TAB2: variants seen among roughly 807,000 people sequenced by gnomAD.
TAB2 encodes the protein TGF-beta-activated kinase 1 and MAP3K7-binding protein 2.
A neutral mutation model predicts 65.0 loss-of-function variants in TAB2; 3 were observed. The ratio of observed to expected loss-of-function variants is 0.05; its 90% CI spans 0.02 to 0.12. The LOEUF (loss-of-function observed/expected upper bound fraction) is 0.12, where lower values mean the gene tolerates loss of function less well. TAB2 is among the 10% of genes least tolerant of loss of function. TAB2 has a pLI of 1.00. For synonymous variants in TAB2, 298 were observed against 285.1 expected (o/e 1.05, Z -0.46); for missense variants, 623 against 840.3 (o/e 0.74, Z 3.20).
chr6:149,230,723 G>A (rs932813792), intron 1 of TAB2, among the ~76,000 whole-genome samples: 4 of 152,210 alleles, frequency 2.6e-5, no homozygotes, highest in African/African-American at 4.8e-5. Flanking sequence ...GATGGCTTCA[G>A]TGGAAGCCTC....
chr6:149,262,152 A>G (rs187392794), intron 1 of TAB2, among the ~76,000 whole-genome samples: 2 of 152,368 alleles, frequency 1.3e-5, no homozygotes, highest in African/African-American at 2.4e-5. Flanking sequence ...GTGTAAAGCA[A>G]AGAAGATGAT....
At chr6:149,310,102 A>T (rs1392288596) in intron 1 of TAB2, among the ~76,000 whole-genome samples, 1 of 148,994 alleles carries the variant, frequency 6.7e-6, no homozygotes, top group East Asian at 2.0e-4. Flanking sequence ...GAGGCGGGAG[A>T]TGGGCCGACT....
At chr6:149,387,827 A>G (rs578237817) in intron 3 of TAB2, among the ~76,000 whole-genome samples, 2 of 152,126 alleles carry the variant, frequency 1.3e-5, no homozygotes, top group African/African-American at 4.8e-5. Context: ...TATCTCTTTG[A>G]GAGAATTCCA....
At chr6:149,295,512 AT>A (rs1353606484) in intron 1 of TAB2, among the ~76,000 whole-genome samples, 2 of 152,086 alleles carry the variant, frequency 1.3e-5, no homozygotes, top group African/African-American at 4.8e-5. Flanking sequence ...AGTTAAACCT[AT>A]GTTAGATCTT....
chr6:149,259,334 TACACACAC>T (rs61261942), intron 1 of TAB2, among the ~76,000 whole-genome samples: 25,378 of 145,932 alleles, frequency 0.17, 2,191 homozygotes, highest in East Asian at 0.27. Flanking sequence ...ACGCTCCCTC[TACACACAC>T]ACACACACAC....
chr6:149,342,233 T>C (rs1347468019), intron 1 of TAB2, among the ~76,000 whole-genome samples: 1 of 152,102 alleles, frequency 6.6e-6, no homozygotes, highest in Non-Finnish European at 1.5e-5. Context: ...AAGAAACCCC[T>C]GGGAATGGAT....
At chr6:149,403,329 T>C (rs13202395) in intron 6 of TAB2, among the ~76,000 whole-genome samples, 15 of 55,752 alleles carry the variant, frequency 2.7e-4, no homozygotes, top group Non-Finnish European at 4.6e-4. Context: ...CACATATATA[T>C]ACATATATAT....
chr6:149,232,771 T>G (rs1562381572), intron 1 of TAB2, among the ~76,000 whole-genome samples: 1 of 152,186 alleles, frequency 6.6e-6, no homozygotes. Context: ...TAGAGTTCCA[T>G]TTTTCAGATG....
chr6:149,377,738 A>G (rs1266722483), intron 2 of TAB2, among the ~76,000 whole-genome samples: 1 of 152,222 alleles, frequency 6.6e-6, no homozygotes, highest in Non-Finnish European at 1.5e-5. Context: ...TAATTTTACT[A>G]TATCTGTCTG....
chr6:149,322,077 A>C (rs887122846), intron 1 of TAB2, among the ~76,000 whole-genome samples: 1 of 152,148 alleles, frequency 6.6e-6, no homozygotes, highest in Non-Finnish European at 1.5e-5. Context: ...TTGAATGCCT[A>C]CTGTGTGCCA....
intron 1 of TAB2, among the ~76,000 whole-genome samples, chr6:149,264,642 G>A (rs1213004471): frequency 6.6e-6 from 1 of 152,192 alleles, no homozygotes; most frequent in Non-Finnish European, 1.5e-5. Flanking sequence ...TTCTGGGGCA[G>A]GAGTTTTTAT....
At chr6:149,243,778 A>T (rs1482919552) in intron 1 of TAB2, 1 of 152,250 alleles carries the variant, frequency 6.6e-6, no homozygotes, top group Non-Finnish European at 1.5e-5. Context: ...AAAAGAAATG[A>T]AATTGAAACG....
intron 3 of TAB2, among the ~76,000 whole-genome samples, chr6:149,396,070 T>C (rs1168907695): frequency 6.6e-6 from 1 of 152,068 alleles, no homozygotes; most frequent in African/African-American, 2.4e-5. Context: ...CAGGCTGGAG[T>C]GCAGTGGTGT....
exon 1 of TAB2, chr6:149,218,718 G>C (rs529055177): frequency 2.0e-4 from 90 of 455,680 alleles, no homozygotes; most frequent in Non-Finnish European, 3.2e-4. Flanking sequence ...TGACTGCCTG[G>C]ATGAAGAAGG....
At chr6:149,283,696 G>A (rs1451197919) in intron 1 of TAB2, among the ~76,000 whole-genome samples, 2 of 152,074 alleles carry the variant, frequency 1.3e-5, no homozygotes, top group African/African-American at 4.8e-5. Context: ...GGCGACAAGA[G>A]AGAAATTCTG....
intron 1 of TAB2, among the ~76,000 whole-genome samples, chr6:149,326,271 C>CAAAAAAA (rs59070515): frequency 1.6e-5 from 2 of 125,006 alleles, no homozygotes; most frequent in African/African-American, 3.0e-5. Context: ...GACCCCATCT[C>CAAAAAAA]AAAAAAAAAA....
At chr6:149,401,768 A>AT (rs1428821869) in intron 6 of TAB2, among the ~76,000 whole-genome samples, 5 of 152,220 alleles carry the variant, frequency 3.3e-5, no homozygotes, top group East Asian at 1.9e-4. Flanking sequence ...CATTCCACGT[A>AT]TTTTTTCTAA....
intron 1 of TAB2, among the ~76,000 whole-genome samples, chr6:149,231,260 T>A (rs1293463312): frequency 6.6e-6 from 1 of 152,224 alleles, no homozygotes; most frequent in African/African-American, 2.4e-5. Context: ...GTGGAGCTGA[T>A]GATTAATAAC....
chr6:149,306,332 A>T (rs1004933806), intron 1 of TAB2, among the ~76,000 whole-genome samples: 9 of 152,138 alleles, frequency 5.9e-5, no homozygotes, highest in Admixed American at 5.2e-4. Flanking sequence ...CAAGGTCAGG[A>T]GATCGAGACC....
Sources: allele counts gnomAD v4.1 joint callset (sites outside exome capture counted in the v4.1 genomes callset), GRCh38; gene constraint gnomAD v4.1.1; transcripts MANE v1.5; gene names NCBI Gene and HGNC (gene_info 2026-07-23, HGNC 2026-07-21).